The following DHX34 variants were observed in gnomAD, a reference collection of about 807,000 sequenced individuals.
DHX34 encodes DExH-box helicase 34.
Under a neutral mutation model 111.1 loss-of-function variants are expected in DHX34, and 96 were observed. The ratio of observed to expected loss-of-function variants is 0.86; its 90% CI spans 0.73 to 1.02. DHX34 has a LOEUF of 1.02. Ranked by LOEUF, DHX34 falls within the 50% of genes least tolerant of loss-of-function variation. DHX34 has a pLI of 0.00. For synonymous variants in DHX34, 688 were observed against 670.4 expected, an observed-to-expected ratio of 1.03 and a Z score of -0.41; for missense variants, 1,560 against 1,579.9, an observed-to-expected ratio of 0.99 and a Z score of 0.21.
chr19:47,368,881 TTTTTG>T (rs528149149), intron 7 of DHX34, among the ~76,000 whole-genome samples: 153 of 151,948 alleles, frequency 1.0e-3, no homozygotes, highest in Middle Eastern at 3.4e-3. Flanking sequence ...ACCTGGCTAA[TTTTTG>T]TTTTGTTTTG....
intron 9 of DHX34, 23 bp downstream of exon 9, chr19:47,373,723 A>G: frequency 6.2e-7 from 1 of 1,608,690 alleles, no homozygotes; most frequent in Non-Finnish European, 8.5e-7. Context: ...AGGAGGGGTA[A>G]GGCCGGCCCC....
chr19:47,355,320 A>G lies in DHX34; in HGVS notation c.987A>G (p.Val329=). The part of the protein sequence containing the change: ...FSSYFSNAPV[V]QVPGRLFPIT... ...GCTATTTCAGCAATGCCCCTGTGGT[A>G]CAGGTGCCTGGGAGGCTGTTCCCCA... is the stretch of plus-strand genomic sequence containing the variant. Residue 329 remains valine, a synonymous_variant, in exon 3 of 17, where the codon GTA becomes GTG. Coordinates refer to ENST00000328771, the MANE Select transcript of DHX34 (RefSeq NM_014681.6). The G allele has an allele frequency of 1.9e-6, 3 of 1,613,756 alleles. No homozygotes were observed. The highest frequency in any genetic ancestry group is 1.7e-6 in the Non-Finnish European group (2 of 1,179,674).
At chr19:47,368,536 C>T (rs1969865269) in intron 7 of DHX34, among the ~76,000 whole-genome samples, 1 of 150,450 alleles carries the variant, frequency 6.6e-6, no homozygotes, top group Non-Finnish European at 1.5e-5. Flanking sequence ...GAACTCCCGA[C>T]CTCAGGTGAT....
intron 7 of DHX34, 49 bp from the exon 8 acceptor site, chr19:47,372,681 G>A (rs375608322): frequency 9.1e-5 from 139 of 1,520,538 alleles, no homozygotes; most frequent in Non-Finnish European, 1.2e-4. Context: ...GGTGAGGGCT[G>A]CGCCTGTCCT....
At chr19:47,360,148 A>G (rs1181621495) in intron 5 of DHX34, 78 bp downstream of exon 5, 3 of 1,383,762 alleles carry the variant, frequency 2.2e-6, no homozygotes, top group Non-Finnish European at 3.1e-6. Context: ...CGTGTGTGGC[A>G]GGGGCGCACC....
chr19:47,372,487 G>T, intron 7 of DHX34: 1 of 509,120 alleles, frequency 2.0e-6, no homozygotes, highest in Non-Finnish European at 2.5e-6. Context: ...GTGTGTCCAA[G>T]GAGGCAGGGA....
At position 47,359,985 on chromosome 19, in the gene DHX34, C is replaced by T. The variant is rs191859641; in HGVS notation, c.1290C>T (p.Pro430=). The part of the protein sequence containing the change: ...ADQDKVFDVA[P]PGVRKCILST... The stretch of plus-strand genomic sequence containing the variant: ...CCTCCCAGGTATTTGATGTGGCACC[C>T]CCTGGAGTCCGGAAATGCATCCTCT... The change falls in exon 5 of 17, where the codon CCC becomes CCT. Residue 430 remains proline, a synonymous_variant. Coordinates refer to ENST00000328771, the MANE Select transcript of DHX34 (RefSeq NM_014681.6). 3 of 1,614,092 alleles carry T rather than the reference C, an allele frequency of 1.9e-6. No homozygotes were observed. Among genetic ancestry groups the T allele is most frequent in the East Asian group, 4.5e-5 (2 of 44,868 alleles).
intron 9 of DHX34, 119 bp downstream of exon 9, chr19:47,373,819 A>C: frequency 8.1e-7 from 1 of 1,238,860 alleles, no homozygotes; most frequent in Non-Finnish European, 1.1e-6. Flanking sequence ...CCCTGCACCC[A>C]CCTCCCCCAC....
Position 47,355,063 on chromosome 19 carries a change from A to C in DHX34, c.730A>C (p.Ser244Arg). 6.2e-7 allele frequency: 1 copy of C among 1,611,246 alleles called. No individual in the cohort carries two copies. The highest frequency in any genetic ancestry group is 8.5e-7 in the Non-Finnish European group (1 of 1,179,106). Residue 244 changes from serine (S) to arginine (R), a missense_variant, in exon 3 of 17, where the codon AGC becomes CGC. Coordinates refer to ENST00000328771, the MANE Select transcript of DHX34 (RefSeq NM_014681.6). ...SQVGYQIRFE[S>R]TRSAATKIVF... ...GGTCGGCTACCAGATCCGCTTTGAGAGCACACGTTCGGCGGCCACCAAGAT... is the reference window on the plus strand; with the variant it reads ...GGTCGGCTACCAGATCCGCTTTGAGCGCACACGTTCGGCGGCCACCAAGAT...
In DHX34 at chr19:47,381,323, A is replaced by G. The variant is rs780694226; in HGVS notation, c.3297A>G (p.Pro1099=). The change falls in exon 16 of 17, where the codon CCA becomes CCG. Residue 1099 remains proline, a splice_region_variant and synonymous_variant. Coordinates refer to ENST00000328771, the MANE Select transcript of DHX34 (RefSeq NM_014681.6). ...TCPQAPQDGP[P]GAEEAALETL... is the part of the protein sequence containing the mutation. ...CCCAGGCCCCACAGGATGGGCCCCC[A>G]GGTAAGCACAGGACTGTGGGGACCC... is the stretch of plus-strand genomic sequence containing the variant. 80 of 1,612,772 alleles carry G rather than the reference A, an allele frequency of 5.0e-5. No homozygotes were observed. The highest frequency in any genetic ancestry group is 6.6e-5 in the Non-Finnish European group (78 of 1,179,424).
At chr19:47,379,661 C>T (rs73940815) in intron 13 of DHX34, 49 bp from the exon 14 acceptor site, 9 of 1,547,274 alleles carry the variant, frequency 5.8e-6, no homozygotes, top group East Asian at 2.3e-5. Flanking sequence ...TCTCCAATAG[C>T]GCCCTGCCCC....
chr19:47,360,539 C>T (rs904726262), intron 5 of DHX34, among the ~76,000 whole-genome samples: 12 of 152,252 alleles, frequency 7.9e-5, no homozygotes, highest in South Asian at 6.2e-4. Context: ...ACACAGGTGA[C>T]GCCCTCACCT....
At chr19:47,359,860 G>A (rs1969571922) in intron 4 of DHX34, 108 bp from the exon 5 acceptor site, 1 of 1,576,184 alleles carries the variant, frequency 6.3e-7, no homozygotes, top group South Asian at 1.2e-5. Context: ...CTCTGAAGGA[G>A]GAAAGGGTTC....
intron 7 of DHX34, among the ~76,000 whole-genome samples, chr19:47,369,189 T>C: frequency 6.6e-6 from 1 of 152,176 alleles, no homozygotes; most frequent in East Asian, 1.9e-4. Flanking sequence ...GTATTTGTTT[T>C]TTCAGTAGAG....
At chr19:47,354,983 G>T in intron 2 of DHX34, 56 bp from the exon 3 acceptor site, 2 of 1,587,760 alleles carry the variant, frequency 1.3e-6, no homozygotes, top group Non-Finnish European at 1.7e-6. Flanking sequence ...GGCAGGGCCA[G>T]GGGCTGGTAC....
At chr19:47,368,628 G>GTATATATA (rs1263409934) in intron 7 of DHX34, among the ~76,000 whole-genome samples, 10 of 142,570 alleles carry the variant, frequency 7.0e-5, no homozygotes, top group Non-Finnish European at 1.2e-4. Flanking sequence ...GTGTGTGTGT[G>GTATATATA]TGTATATATA....
At position 47,381,318 on chromosome 19, in the gene DHX34, C is replaced by A. The variant is rs1401477845; in HGVS notation, c.3292C>A (p.Pro1098Thr). The change falls in exon 16 of 17, where the codon CCC becomes ACC. Residue 1098 changes from proline (P) to threonine (T), a missense_variant. Pro to Thr is a conservative substitution (Grantham distance 38). Coordinates refer to ENST00000328771, the MANE Select transcript of DHX34 (RefSeq NM_014681.6). ...CTGCCCCCAGGCCCCACAGGATGGGCCCCCAGGTAAGCACAGGACTGTGGG... is the reference window on the plus strand; with the variant it reads ...CTGCCCCCAGGCCCCACAGGATGGGACCCCAGGTAAGCACAGGACTGTGGG... ...NTCPQAPQDG[P>T]PGAEEAALET... 2 of 1,613,232 alleles carry A rather than the reference C, an allele frequency of 1.2e-6. No homozygotes were observed. The highest frequency in any genetic ancestry group is 1.7e-6 in the Non-Finnish European group (2 of 1,179,546).
chr19:47,381,274 G>T lies in DHX34; in HGVS notation c.3248G>T (p.Arg1083Leu). 1.9e-6 allele frequency: 3 copies of T among 1,613,942 alleles called. No individual in the cohort carries two copies. Among genetic ancestry groups the T allele is most frequent in the South Asian group, 1.1e-5 (1 of 91,072 alleles). ...CATGCGCCCCTCACGCCCCTGGAGC[G>T]CATCGCCCATGAGAACACCTGCCCC... The part of the protein sequence containing the change: ...GLHAPLTPLE[R>L]IAHENTCPQA... The change falls in exon 16 of 17, where the codon CGC (arginine) becomes CTC (leucine). Residue 1083 changes from arginine (R) to leucine (L), a missense_variant. Arg to Leu is a moderately radical substitution (Grantham distance 102, BLOSUM62 -2). Coordinates refer to ENST00000328771, the MANE Select transcript of DHX34 (RefSeq NM_014681.6).
chr19:47,379,883 C>T lies in DHX34; in HGVS notation c.2880C>T (p.His960=). The change falls in exon 14 of 17, where the codon CAC becomes CAT. Residue 960 remains histidine (H), a synonymous_variant. Coordinates refer to ENST00000328771, the MANE Select transcript of DHX34 (RefSeq NM_014681.6). ...WESALDRQLA[H]QAQQQLEEEE... is the part of the protein sequence containing the mutation. ...GTGCCCTGGACCGGCAGCTGGCGCA[C>T]CAGGCCCAGCAGCAGCTGGAGGAGG... is the stretch of plus-strand genomic sequence containing the variant. The T allele has an allele frequency of 1.9e-6, 3 of 1,613,452 alleles. No homozygotes were observed. Among genetic ancestry groups the T allele is most frequent in the Non-Finnish European group, 2.5e-6 (3 of 1,179,668 alleles).
Sources: gnomAD v4.1 joint callset for allele counts (sites outside exome capture counted in the v4.1 genomes callset) on GRCh38, gnomAD v4.1.1 for gene constraint, MANE v1.5 for transcripts, NCBI Gene and HGNC (gene_info 2026-07-23, HGNC 2026-07-21) for gene names.